The following GLI4 variants were observed in gnomAD, a reference collection of about 807,000 sequenced individuals.
GLI4 encodes GLI family zinc finger 4.
A neutral mutation model predicts 30.9 loss-of-function variants in GLI4; 34 were observed. The observed-to-expected ratio is 1.10, with a 90% CI of 0.84 to 1.47. The LOEUF (loss-of-function observed/expected upper bound fraction) is 1.47. Among genes scored for constraint, GLI4 ranks in the 40% most tolerant of loss-of-function variants. GLI4 has a pLI of 0.00. For synonymous variants in GLI4, 277 were observed against 236.7 expected (o/e 1.17, Z -1.56); for missense variants, 696 against 538.9 (o/e 1.29, Z -2.89).
chr8:143,276,074 T>C lies in GLI4; in HGVS notation c.401T>C (p.Val134Ala). ...ERPAGQPPGA[V>A]PCAQPRGAWR... ...CCGGCGGGCCAGCCGCCTGGGGCCGTCCCTTGCGCCCAGCCGCGGGGCGCC... is the reference window on the plus strand; with the variant it reads ...CCGGCGGGCCAGCCGCCTGGGGCCGCCCCTTGCGCCCAGCCGCGGGGCGCC... Residue 134 changes from valine (V) to alanine (A), a missense_variant, in exon 4 of 4, where the codon GTC becomes GCC. Coordinates refer to ENST00000340042, the MANE Select transcript of GLI4 (RefSeq NM_138465.4). The C allele has an allele frequency of 7.1e-7, 1 of 1,400,074 alleles. No homozygotes were observed. The allele number at this position is 1,400,074 out of a possible 1,614,324, so 86.7% of individuals were successfully genotyped here.
rs1048683053 is a variant in GLI4 at position 143,274,819 on chromosome 8, G to A, written c.223+17G>A. 22 of 1,539,898 alleles carry A rather than the reference G, an allele frequency of 1.4e-5. No individual in the cohort carries two copies. The highest frequency in any genetic ancestry group is 1.7e-4 in the Middle Eastern group (1 of 5,950). On this transcript the variant is annotated intron_variant, in intron 3 of 3. Coordinates refer to ENST00000340042, the MANE Select transcript of GLI4 (RefSeq NM_138465.4). The stretch of plus-strand genomic sequence containing the variant: ...TCTGGCCCGGTGAGTGAGCAGAATC[G>A]GGTTACTGGGGGACCAGAGCTCTGC...
chr8:143,275,569 C>T, intron 3 of GLI4: 8 of 1,250,620 alleles, frequency 6.4e-6, no homozygotes, highest in Non-Finnish European at 7.0e-6. Context: ...CTCACCAACA[C>T]TTAGTGCTTC....
chr8:143,269,107 GC>G (rs372190269), intron 1 of GLI4, among the ~76,000 whole-genome samples: 201 of 152,292 alleles, frequency 1.3e-3, no homozygotes, highest in Non-Finnish European at 2.2e-3. Flanking sequence ...CTCACAAAGT[GC>G]TGGGATTACA....
Position 143,276,091 on chromosome 8 carries a change from CGGGGCGCCTGGCGCGTGACGCTCG to C in GLI4, c.419_442del (p.Arg140_Val148delinsLeu), listed in dbSNP as rs1815378965. 2 of 1,413,630 alleles carry C rather than the reference CGGGGCGCCTGGCGCGTGACGCTCG, an allele frequency of 1.4e-6. No homozygotes were observed. The highest frequency in any genetic ancestry group is 3.1e-5 in the African/African-American group (2 of 65,478). The allele number at this position is 1,413,630 out of a possible 1,614,324, so 87.6% of individuals were successfully genotyped here. A position where few individuals can be genotyped will look rare whatever the true frequency, so the allele number is the denominator to read the frequency against. On this transcript the variant is annotated inframe_deletion, in exon 4 of 4. Coordinates refer to ENST00000340042, the MANE Select transcript of GLI4 (RefSeq NM_138465.4). Reference sequence around the variant, plus strand: ...TGGGGCCGTCCCTTGCGCCCAGCCGCGGGGCGCCTGGCGCGTGACGCTCGTGCAGCAAGCAGCGGCCGGGCCCGA... The same window carrying C: ...TGGGGCCGTCCCTTGCGCCCAGCCGCTGCAGCAAGCAGCGGCCGGGCCCGA...
rs1815379612 is a variant in GLI4 at position 143,276,118 on chromosome 8, CAGCAAGCAGCGG to C, written c.446_457del (p.Gln149_Ala153delinsPro). On this transcript the variant is annotated inframe_deletion, in exon 4 of 4. Coordinates refer to ENST00000340042, the MANE Select transcript of GLI4 (RefSeq NM_138465.4). The stretch of plus-strand genomic sequence containing the variant: ...GGGCGCCTGGCGCGTGACGCTCGTG[CAGCAAGCAGCGG>C]CCGGGCCCGAGGGTGCGCCCGAGCG... 2 of 1,508,672 alleles carry C rather than the reference CAGCAAGCAGCGG, an allele frequency of 1.3e-6. No homozygotes were observed. Among genetic ancestry groups the C allele is most frequent in the African/African-American group, 2.9e-5 (2 of 69,950 alleles). The allele number at this position is 1,508,672 out of a possible 1,614,324, so 93.5% of individuals were successfully genotyped here.
chr8:143,269,506 A>G lies in GLI4; in HGVS notation c.110A>G (p.His37Arg), dbSNP rs1815218551. The G allele has an allele frequency of 1.2e-6, 2 of 1,612,804 alleles. No individual in the cohort carries two copies. Among genetic ancestry groups the G allele is most frequent in the South Asian group, 1.1e-5 (1 of 91,074 alleles). The part of the protein sequence containing the change: ...TQHHEPQLHL[H>R]GHQHGSPGSS... Reference sequence around the variant, plus strand: ...CACCACGAGCCTCAGCTTCACCTCCATGGGCATCAACATGGTACTCACCCA... The same window carrying G: ...CACCACGAGCCTCAGCTTCACCTCCGTGGGCATCAACATGGTACTCACCCA... Residue 37 changes from histidine to arginine, a missense_variant, in exon 2 of 4, where the codon CAT becomes CGT. By Grantham distance (29) the His-to-Arg change is conservative. Transcript: ENST00000340042.
chr8:143,275,203 C>T, intron 3 of GLI4: 3 of 1,535,650 alleles, frequency 2.0e-6, no homozygotes, highest in Non-Finnish European at 2.6e-6. Context: ...AGATGGCCTC[C>T]CCTCAGCCTG....
chr8:143,269,711 C>T (rs1053269565), intron 2 of GLI4, among the ~76,000 whole-genome samples, 191 bp downstream of exon 2: 6 of 152,200 alleles, frequency 3.9e-5, no homozygotes, highest in East Asian at 3.9e-4. Context: ...GTTGGGGCAG[C>T]GGTGGTTGAG....
Position 143,269,467 on chromosome 8 carries a change from C to A in GLI4, c.71C>A (p.Thr24Lys). 1 of 1,612,192 alleles carries A rather than the reference C, an allele frequency of 6.2e-7. No homozygotes were observed. The highest frequency in any genetic ancestry group is 8.5e-7 in the Non-Finnish European group (1 of 1,178,708). Reference sequence around the variant, plus strand: ...CCTGTCAGTCTCTCATCACCGGGGACACCTGGAACCCAGCACCACGAGCCT... The same window carrying A: ...CCTGTCAGTCTCTCATCACCGGGGAAACCTGGAACCCAGCACCACGAGCCT... ...PSPVSLSSPG[T>K]PGTQHHEPQL... Residue 24 changes from threonine (T) to lysine (K), a missense_variant, in exon 2 of 4, where the codon ACA becomes AAA. By Grantham distance (78) the Thr-to-Lys change is moderately conservative. Transcript: ENST00000340042.
At position 143,276,339 on chromosome 8, in the gene GLI4, C is replaced by T. The variant is rs751837629; in HGVS notation, c.666C>T (p.Gly222=). The change falls in exon 4 of 4, where the codon GGC becomes GGT. Residue 222 remains glycine, a synonymous_variant. Coordinates refer to ENST00000340042, the MANE Select transcript of GLI4 (RefSeq NM_138465.4). The part of the protein sequence containing the change: ...ACHECGKRFR[G]WSGFIQHHRI... ...ACGAGTGCGGCAAGCGCTTCCGCGG[C>T]TGGTCGGGCTTCATCCAGCACCACC... 6.2e-7 allele frequency: 1 copy of T among 1,609,674 alleles called. No individual in the cohort carries two copies. The highest frequency in any genetic ancestry group is 1.1e-5 in the South Asian group (1 of 90,910).
At chr8:143,274,301 G>A (rs1370500358) in intron 2 of GLI4, among the ~76,000 whole-genome samples, 1 of 152,234 alleles carries the variant, frequency 6.6e-6, no homozygotes, top group Non-Finnish European at 1.5e-5. Flanking sequence ...ACGGGTGTGG[G>A]AGCCTGCAGG....
rs546434021 is a variant in GLI4, at chr8:143,274,781, G to C, written c.202G>C (p.Gly68Arg). The C allele has an allele frequency of 2.6e-6, 4 of 1,566,606 alleles. No homozygotes were observed. Among genetic ancestry groups the C allele is most frequent in the Non-Finnish European group, 3.5e-6 (4 of 1,153,382 alleles). ...CCAAGACGTAGAGGAAGTGGAGATC[G>C]GCAGAGACACCTTCTGGCCCGGTGA... is the stretch of plus-strand genomic sequence containing the variant. Reference protein sequence around the residue: ...DLQDVEEVEIGRDTFWPDSEP... With the variant: ...DLQDVEEVEIRRDTFWPDSEP... Residue 68 changes from glycine (G) to arginine (R), a missense_variant, in exon 3 of 4, where the codon GGC becomes CGC. Gly to Arg is a moderately radical substitution (Grantham distance 125). Coordinates refer to ENST00000340042, the MANE Select transcript of GLI4 (RefSeq NM_138465.4).
Position 143,276,906 on chromosome 8 carries a change from GA to G in GLI4, c.*104del. On this transcript the variant is annotated 3_prime_UTR_variant, in exon 4 of 4. Coordinates refer to ENST00000340042, the MANE Select transcript of GLI4 (RefSeq NM_138465.4). ...CCCAGCACCGCATGCCACGTGTCCGGAATAAATTCTTTTTGATTGTTGGAAG... is the reference window on the plus strand; with the variant it reads ...CCCAGCACCGCATGCCACGTGTCCGGATAAATTCTTTTTGATTGTTGGAAG... 1.3e-6 allele frequency: 1 copy of G among 755,340 alleles called. No homozygotes were observed. Among genetic ancestry groups the G allele is most frequent in the Non-Finnish European group, 2.1e-6 (1 of 478,160 alleles). The allele number at this position is 755,340 out of a possible 1,614,324, so 46.8% of individuals were successfully genotyped here. A position where few individuals can be genotyped will look rare whatever the true frequency, so the allele number is the denominator to read the frequency against.
At chr8:143,275,410 T>C in intron 3 of GLI4, 3 of 1,387,544 alleles carry the variant, frequency 2.2e-6, no homozygotes, top group Non-Finnish European at 2.8e-6. Context: ...CGTGGGAAGC[T>C]CCTGGGGTGG....
chr8:143,268,978 G>C (rs796966009), intron 1 of GLI4, among the ~76,000 whole-genome samples: 21 of 152,160 alleles, frequency 1.4e-4, no homozygotes, highest in African/African-American at 5.1e-4. Context: ...CAAGTAGCTG[G>C]GATTACAGGT....
At chr8:143,275,735 T>A (rs1433679315) in intron 3 of GLI4, 162 bp from the exon 4 acceptor site, 1 of 1,238,736 alleles carries the variant, frequency 8.1e-7, no homozygotes, top group Non-Finnish European at 1.0e-6. Flanking sequence ...GGCACGGCAC[T>A]CCGAGCCCCT....
At chr8:143,274,885 C>G (rs1815350653) in intron 3 of GLI4, 83 bp downstream of exon 3, 6 of 1,499,516 alleles carry the variant, frequency 4.0e-6, no homozygotes, top group South Asian at 3.8e-5. Flanking sequence ...TGTGGCACCC[C>G]CAATGCTGGC....
rs138953266 is a variant in GLI4 at position 143,274,745 on chromosome 8, G to A, written c.166G>A (p.Asp56Asn). The A allele has an allele frequency of 1.0e-4, 164 of 1,570,668 alleles. No individual in the cohort carries two copies. The African/African-American group carries it at 1.8e-3, about 17-fold the overall frequency. Residue 56 changes from aspartate to asparagine, a missense_variant, in exon 3 of 4, where the codon GAC becomes AAC. Physicochemically the swap from Asp to Asn is conservative, Grantham distance 23 (BLOSUM62 1). Coordinates refer to ENST00000340042, the MANE Select transcript of GLI4 (RefSeq NM_138465.4). ...CCCTAAGGTGCTCTCCCAGCCGTCC[G>A]ACCTGGATCTCCAAGACGTAGAGGA... is the stretch of plus-strand genomic sequence containing the variant. Reference protein sequence around the residue: ...SSPKVLSQPSDLDLQDVEEVE... With the variant: ...SSPKVLSQPSNLDLQDVEEVE...
At chr8:143,275,139 T>C (rs1815355820) in intron 3 of GLI4, 1 of 1,535,620 alleles carries the variant, frequency 6.5e-7, no homozygotes, top group African/African-American at 1.4e-5. Context: ...AGGGCACCAC[T>C]GTCCCCCCAG....
Sources: allele counts gnomAD v4.1 joint callset (sites outside exome capture counted in the v4.1 genomes callset), GRCh38; gene constraint gnomAD v4.1.1; transcripts MANE v1.5; gene names NCBI Gene and HGNC (gene_info 2026-07-23, HGNC 2026-07-21).